Variants in PTPRD observed in about 807,000 individuals in gnomAD.
PTPRD encodes the protein receptor-type tyrosine-protein phosphatase delta.
Under a neutral mutation model 214.5 loss-of-function variants are expected in PTPRD, and 34 were observed. The ratio of observed to expected loss-of-function variants is 0.16; its 90% confidence interval spans 0.12 to 0.21. PTPRD has a LOEUF of 0.21. PTPRD is among the 10% of genes least tolerant of loss of function. The probability of loss-of-function intolerance (pLI) is 1.00; values close to 1 mark genes in which losing one functional copy is unlikely to be tolerated. For synonymous variants in PTPRD, 1,128 were observed against 845.7 expected, an observed-to-expected ratio of 1.33 and a Z score of -5.79; for missense variants, 2,545 against 2,398.7, an observed-to-expected ratio of 1.06 and a Z score of -1.27.
chr9:10,598,282 G>A (rs1013197886), intron 2 of PTPRD, among the ~76,000 whole-genome samples: 2 of 151,642 alleles, frequency 1.3e-5, no homozygotes, highest in Non-Finnish European at 1.5e-5. Context: ...TTGCTAGCTC[G>A]AAGTAAACAT....
chr9:9,547,980 AG>A, intron 8 of PTPRD, among the ~76,000 whole-genome samples: 1 of 152,212 alleles, frequency 6.6e-6, no homozygotes. Context: ...TGCAAGACAA[AG>A]GACAATGAAA....
At chr9:8,483,347 C>T (rs10977154) in intron 30 of PTPRD, among the ~76,000 whole-genome samples, 16,278 of 152,070 alleles carry the variant, frequency 0.11, 1,062 homozygotes, top group African/African-American at 0.18. Flanking sequence ...ATTTCCCCCC[C>T]TTTTTTTCAA....
chr9:8,738,267 C>T (rs4742533), intron 11 of PTPRD, among the ~76,000 whole-genome samples: 107,161 of 152,044 alleles, frequency 0.7, 37,825 homozygotes, highest in South Asian at 0.77. Flanking sequence ...TAAAGTGACA[C>T]CTATCCAACT....
intron 5 of PTPRD, among the ~76,000 whole-genome samples, chr9:9,857,280 C>CT (rs781083111): frequency 7.2e-5 from 11 of 152,158 alleles, no homozygotes; most frequent in Non-Finnish European, 1.5e-4. Context: ...TCAAAATTCT[C>CT]TGAGTTCTTG....
chr9:9,527,452 C>G (rs1391649916), intron 8 of PTPRD, among the ~76,000 whole-genome samples: 1 of 152,124 alleles, frequency 6.6e-6, no homozygotes, highest in Non-Finnish European at 1.5e-5. Flanking sequence ...TACTAACTGT[C>G]TCTTCATCAG....
At chr9:8,502,063 T>C (rs2097422279) in intron 23 of PTPRD, among the ~76,000 whole-genome samples, 1 of 152,164 alleles carries the variant, frequency 6.6e-6, no homozygotes. Flanking sequence ...GGGTTTATAT[T>C]AGAATTAGAA....
intron 7 of PTPRD, among the ~76,000 whole-genome samples, chr9:9,587,357 C>A (rs891952080): frequency 6.6e-6 from 1 of 151,984 alleles, no homozygotes; most frequent in Non-Finnish European, 1.5e-5. Flanking sequence ...GTAGGCGCTT[C>A]TATTATATTT....
chr9:9,481,002 G>C (rs1301608692), intron 8 of PTPRD, among the ~76,000 whole-genome samples: 2 of 152,034 alleles, frequency 1.3e-5, no homozygotes, highest in Non-Finnish European at 2.9e-5. Flanking sequence ...ATCTGTTGAA[G>C]ACATGTAATA....
At chr9:8,331,419 A>AT (rs574159971) in intron 44 of PTPRD, among the ~76,000 whole-genome samples, 163 bp downstream of exon 44, 2 of 105,318 alleles carry the variant, frequency 1.9e-5, no homozygotes, top group Admixed American at 9.4e-5. Flanking sequence ...ATTTTCACTT[A>AT]TTTTCACTTT....
chr9:10,578,006 G>C (rs1030766670), intron 2 of PTPRD, among the ~76,000 whole-genome samples: 1 of 151,306 alleles, frequency 6.6e-6, no homozygotes, highest in Non-Finnish European at 1.5e-5. Context: ...CCGCCTCCCA[G>C]GTTCAAGCGA....
chr9:8,837,027 T>A (rs2097442977), intron 11 of PTPRD, among the ~76,000 whole-genome samples: 1 of 106,742 alleles, frequency 9.4e-6, no homozygotes. Flanking sequence ...ACACCCAGCT[T>A]TTTTTTTTTT....
chr9:9,733,834 A>T (rs1050334229), intron 7 of PTPRD, among the ~76,000 whole-genome samples: 38 of 152,326 alleles, frequency 2.5e-4, no homozygotes, highest in South Asian at 2.1e-3. Context: ...AGAACATAGT[A>T]GGATCCCAAT....
intron 10 of PTPRD, among the ~76,000 whole-genome samples, chr9:9,051,967 T>C (rs941926502): frequency 2.0e-5 from 3 of 152,192 alleles, no homozygotes; most frequent in Non-Finnish European, 2.9e-5. Flanking sequence ...AGGCAACTGT[T>C]TTACTTATCT....
chr9:8,726,418 C>G (rs533145247), intron 12 of PTPRD, among the ~76,000 whole-genome samples: 216 of 149,486 alleles, frequency 1.4e-3, no homozygotes, highest in African/African-American at 5.1e-3. Context: ...GTAAAACCAT[C>G]TCTACAAAAA....
At chr9:9,915,560 G>A (rs2080490599) in intron 5 of PTPRD, among the ~76,000 whole-genome samples, 1 of 150,266 alleles carries the variant, frequency 6.7e-6, no homozygotes, top group African/African-American at 2.4e-5. Context: ...CCAAACAGAA[G>A]TACTAAAGCT....
intron 7 of PTPRD, among the ~76,000 whole-genome samples, chr9:9,673,500 G>T (rs1444548106): frequency 6.6e-6 from 1 of 151,498 alleles, no homozygotes; most frequent in African/African-American, 2.4e-5. Context: ...CACAGTAAAA[G>T]AAAGAAAAAT....
intron 3 of PTPRD, among the ~76,000 whole-genome samples, chr9:10,056,526 T>C (rs1278279837): frequency 1.3e-5 from 2 of 152,158 alleles, no homozygotes; most frequent in Non-Finnish European, 1.5e-5. Context: ...CTCTGTTCTT[T>C]GTTTTTAAAT....
intron 11 of PTPRD, among the ~76,000 whole-genome samples, chr9:8,790,093 G>A (rs1242118421): frequency 2.0e-5 from 3 of 151,882 alleles, no homozygotes; most frequent in Admixed American, 1.3e-4. Context: ...CATCACTCAC[G>A]GCAGCCTCAA....
At chr9:10,281,989 T>TA (rs201333767) in intron 3 of PTPRD, among the ~76,000 whole-genome samples, 1,437 of 138,704 alleles carry the variant, frequency 0.01, 13 homozygotes, top group African/African-American at 0.025. Flanking sequence ...GTTAAAATAA[T>TA]AAAAAAAAAA....
Sources: gnomAD v4.1 joint callset for allele counts (sites outside exome capture counted in the v4.1 genomes callset) on GRCh38, gnomAD v4.1.1 for gene constraint, MANE v1.5 for transcripts, NCBI Gene and HGNC (gene_info 2026-07-23, HGNC 2026-07-21) for gene names.